The following TDRD3 variants were observed in gnomAD, a reference collection of about 807,000 sequenced individuals.
TDRD3 encodes the protein tudor domain-containing protein 3.
A neutral mutation model predicts 86.7 loss-of-function variants in TDRD3; 45 were observed. That is an observed-to-expected ratio of 0.52 (90% confidence interval 0.41 to 0.67). TDRD3 has a LOEUF of 0.67. TDRD3 is among the 30% of genes least tolerant of loss of function. The pLI is 0.00. For missense variants in TDRD3, 814 were observed against 889.0 expected (o/e 0.92, Z 1.07); for synonymous variants, 298 against 301.7 (o/e 0.99, Z 0.13).
At chr13:60,554,937 A>G (rs1396896772) in intron 12 of TDRD3, among the ~76,000 whole-genome samples, 1 of 152,224 alleles carries the variant, frequency 6.6e-6, no homozygotes, top group East Asian at 1.9e-4. Flanking sequence ...ACCTAGAAAT[A>G]GAATCATTAC....
chr13:60,563,022 A>G (rs1237733738), intron 12 of TDRD3, among the ~76,000 whole-genome samples: 2 of 152,110 alleles, frequency 1.3e-5, no homozygotes, highest in African/African-American at 4.8e-5. Flanking sequence ...TGAGGTCAGG[A>G]GCTCAAGACC....
At chr13:60,467,129 C>G in intron 4 of TDRD3, 109 bp from the exon 5 acceptor site, 2 of 1,305,364 alleles carry the variant, frequency 1.5e-6, no homozygotes, top group Non-Finnish European at 1.1e-6. Flanking sequence ...CTAATGCTCT[C>G]CCTCCCACTA....
At chr13:60,421,251 C>G (rs1252227598) in intron 1 of TDRD3, among the ~76,000 whole-genome samples, 1 of 152,148 alleles carries the variant, frequency 6.6e-6, no homozygotes, top group Non-Finnish European at 1.5e-5. Flanking sequence ...GCCCCACAAT[C>G]TTGGCAGAAG....
intron 2 of TDRD3, among the ~76,000 whole-genome samples, chr13:60,442,716 G>C (rs575083571): frequency 1.3e-5 from 2 of 152,038 alleles, no homozygotes; most frequent in Admixed American, 6.6e-5. Context: ...AACTTTGAGC[G>C]TGTAGTCTTT....
At position 60,439,578 on chromosome 13, in the gene TDRD3, T is replaced by C. The variant is rs1227849859; in HGVS notation, c.42-110T>C. 5 of 717,648 alleles carry C rather than the reference T, an allele frequency of 7.0e-6. 1 individual carries two copies. The East Asian group carries it at 1.4e-4, about 20-fold the overall frequency. The allele number at this position is 717,648 out of a possible 1,614,324, so 44.5% of individuals were successfully genotyped here. On this transcript the variant is annotated intron_variant, in intron 1 of 13. Transcript: ENST00000377881. The stretch of plus-strand genomic sequence containing the variant: ...TCCATATCCAAGACTCTTTCCCTAG[T>C]ATTTGTAGCAGAAGCACTTTATAGT...
At chr13:60,571,677 C>T (rs1184896736) in intron 13 of TDRD3, among the ~76,000 whole-genome samples, 1 of 152,118 alleles carries the variant, frequency 6.6e-6, no homozygotes, top group East Asian at 1.9e-4. Context: ...TTGTAATTTG[C>T]ACATTCTTTG....
At chr13:60,463,213 A>C (rs548438308) in intron 4 of TDRD3, among the ~76,000 whole-genome samples, 9 of 151,966 alleles carry the variant, frequency 5.9e-5, no homozygotes, top group Non-Finnish European at 1.3e-4. Flanking sequence ...CTGGGCGAAC[A>C]TGGTGAAACA....
chr13:60,468,931 A>G (rs1415012510), intron 5 of TDRD3, among the ~76,000 whole-genome samples: 1 of 152,300 alleles, frequency 6.6e-6, no homozygotes, highest in African/African-American at 2.4e-5. Context: ...AAGTCAGCCA[A>G]AGGCCTAAGC....
intron 11 of TDRD3, among the ~76,000 whole-genome samples, chr13:60,532,516 G>T (rs1049227906): frequency 4.6e-5 from 7 of 152,190 alleles, no homozygotes; most frequent in Non-Finnish European, 1.0e-4. Flanking sequence ...GCAGAGACAA[G>T]GGTAGACATT....
Position 60,535,129 on chromosome 13 carries a change from G to A in TDRD3, c.2014G>A (p.Ala672Thr). The A allele has an allele frequency of 1.2e-6, 2 of 1,613,806 alleles. No homozygotes were observed. Among genetic ancestry groups the A allele is most frequent in the Non-Finnish European group, 1.7e-6 (2 of 1,179,850 alleles). The part of the protein sequence containing the change: ...DNKFYRAEVE[A>T]LHSSGMTAVV... ...TCAGTTTTACCGGGCAGAAGTTGAA[G>A]CCCTCCATTCTTCGGGTATGACAGC... The change falls in exon 12 of 14, where the codon GCC (alanine) becomes ACC (threonine). Residue 672 changes from alanine to threonine, a missense_variant. By Grantham distance (58) the Ala-to-Thr change is moderately conservative. Coordinates refer to ENST00000377881, the MANE Select transcript of TDRD3 (RefSeq NM_001146070.2).
intron 11 of TDRD3, among the ~76,000 whole-genome samples, chr13:60,532,603 T>C (rs1048311418): frequency 4.6e-5 from 7 of 152,226 alleles, no homozygotes; most frequent in African/African-American, 1.7e-4. Flanking sequence ...ATTTTGGAGA[T>C]AATTAATACA....
intron 12 of TDRD3, among the ~76,000 whole-genome samples, chr13:60,552,300 GC>G (rs1295351587): frequency 6.6e-6 from 1 of 152,194 alleles, no homozygotes; most frequent in Non-Finnish European, 1.5e-5. Flanking sequence ...GGGGCCACAG[GC>G]CCCATGCAAG....
chr13:60,468,381 T>G (rs1955997295), intron 5 of TDRD3, among the ~76,000 whole-genome samples: 1 of 152,202 alleles, frequency 6.6e-6, no homozygotes, highest in South Asian at 2.1e-4. Flanking sequence ...TAGACCCAGA[T>G]CAAATGATTG....
intron 11 of TDRD3, among the ~76,000 whole-genome samples, chr13:60,531,393 G>A (rs746476183): frequency 2.6e-5 from 4 of 152,134 alleles, no homozygotes; most frequent in Non-Finnish European, 5.9e-5. Context: ...TGAAGTAATT[G>A]GAAAGCAGTG....
chr13:60,494,431 A>G lies in TDRD3; in HGVS notation c.718-4A>G, dbSNP rs766737132. 6.2e-6 allele frequency: 10 copies of G among 1,610,042 alleles called. No individual in the cohort carries two copies. The Admixed American group carries it at 1.3e-4, about 22-fold the overall frequency. Reference sequence around the variant, plus strand: ...CCTCTCTTTTATCTTTCTCTTATGTAAAGACCAAGACATTTGGAGGAGGTG... The same window carrying G: ...CCTCTCTTTTATCTTTCTCTTATGTGAAGACCAAGACATTTGGAGGAGGTG... On this transcript the variant is annotated splice_region_variant and splice_polypyrimidine_tract_variant and intron_variant, in intron 7 of 13. Transcript: ENST00000377881.
chr13:60,567,418 A>T, intron 12 of TDRD3, 107 bp from the exon 13 acceptor site: 1 of 1,426,358 alleles, frequency 7.0e-7, no homozygotes. Flanking sequence ...TGTGAATTCC[A>T]GGGCAGCTTA....
At chr13:60,405,185 T>C (rs1412579221) in intron 1 of TDRD3, among the ~76,000 whole-genome samples, 1 of 152,140 alleles carries the variant, frequency 6.6e-6, no homozygotes, top group Non-Finnish European at 1.5e-5. Context: ...GCCAGGCTGG[T>C]CTTGAACTCC....
intron 1 of TDRD3, among the ~76,000 whole-genome samples, chr13:60,410,147 C>G (rs1258839821): frequency 2.0e-5 from 3 of 152,172 alleles, no homozygotes; most frequent in Non-Finnish European, 4.4e-5. Context: ...TCTGAGGCCT[C>G]CCCAGCCATG....
rs142523796 is a variant in TDRD3, at chr13:60,544,883, A to G, written c.2118+9650A>G. On this transcript the variant is annotated intron_variant, in intron 12 of 13. Coordinates refer to ENST00000377881, the MANE Select transcript of TDRD3 (RefSeq NM_001146070.2). ...ACCTTCTCTTTTAAATCTTGATAGT[A>G]TCAGAATTTTAAGTTAGTATATGAA... is the stretch of plus-strand genomic sequence containing the variant. Among the ~76,000 whole-genome samples the G allele has an allele frequency of 2.7e-3, 416 of 152,308 alleles. 2 individuals are homozygous for G. Among genetic ancestry groups the G allele is most frequent in the Middle Eastern group, 0.01 (3 of 294 alleles).
Sources: allele counts gnomAD v4.1 joint callset (sites outside exome capture counted in the v4.1 genomes callset), GRCh38; gene constraint gnomAD v4.1.1; transcripts MANE v1.5; gene names NCBI Gene and HGNC (gene_info 2026-07-23, HGNC 2026-07-21).